PVR: variants seen among roughly 807,000 people sequenced by gnomAD.
The protein encoded by PVR is poliovirus receptor.
Under a neutral mutation model 43.3 loss-of-function variants are expected in PVR, and 39 were observed. That is an observed-to-expected ratio of 0.90 (90% CI 0.70 to 1.18). The LOEUF is 1.18. PVR is among the 50% of genes most tolerant of loss of function. The pLI is 0.00. For synonymous variants in PVR, 224 were observed against 233.2 expected (o/e 0.96, Z 0.36); for missense variants, 480 against 549.7 (o/e 0.87, Z 1.27).
At chr19:44,656,688 G>T (rs922174515) in intron 4 of PVR, among the ~76,000 whole-genome samples, 1 of 152,168 alleles carries the variant, frequency 6.6e-6, no homozygotes, top group Non-Finnish European at 1.5e-5. Flanking sequence ...AAGGGAATGG[G>T]ACTGGGCGCC....
chr19:44,658,891 T>C lies in PVR; in HGVS notation c.1141T>C (p.Cys381Arg). 3 of 1,614,034 alleles carry C rather than the reference T, an allele frequency of 1.9e-6. No individual in the cohort carries two copies. In the South Asian group the frequency reaches 3.3e-5, roughly 18 times the overall value. The change falls in exon 6 of 8, where the codon TGT becomes CGT. Residue 381 changes from cysteine to arginine, a missense_variant. Coordinates refer to ENST00000425690, the MANE Select transcript of PVR (RefSeq NM_006505.5). ...TGAGGTCCTTTGGCACTGTCATCTG[T>C]GTCCCTCGAGTGAGCATCACCAGAG... ...SREVLWHCHL[C>R]PSSTEHASAS...
In PVR at chr19:44,665,100, T is replaced by C. The variant is rs1973678133; in HGVS notation, c.*3289T>C. 2 of 152,106 alleles carry C rather than the reference T, an allele frequency of 1.3e-5. No homozygotes were observed. Among genetic ancestry groups the C allele is most frequent in the Non-Finnish European group, 2.9e-5 (2 of 68,024 alleles). 9.4% of individuals were successfully genotyped at this position (152,106 alleles called of 1,614,324 possible). On this transcript the variant is annotated 3_prime_UTR_variant, in exon 8 of 8. Transcript: ENST00000425690. ...GGGCCCAGAATTTTGGTATAGGTGT[T>C]GTATAAACTTATAGTAAGGTTAAGA...
In PVR at chr19:44,650,098, C is replaced by T. The variant is rs113996429; in HGVS notation, c.717C>T (p.Thr239=). ...CTCAGCTGCTGACTGTGAACCTCACCGTGTACTGTGAGTGTGCCCAAGTCA... is the reference window on the plus strand; with the variant it reads ...CTCAGCTGCTGACTGTGAACCTCACTGTGTACTGTGAGTGTGCCCAAGTCA... ...EKPQLLTVNL[T]VYYPPEVSIS... Residue 239 remains threonine, a synonymous_variant, in exon 3 of 8, where the codon ACC becomes ACT. Coordinates refer to ENST00000425690, the MANE Select transcript of PVR (RefSeq NM_006505.5). 528 of 1,527,518 alleles carry T rather than the reference C, an allele frequency of 3.5e-4. No homozygotes were observed. The African/African-American group carries it at 4.7e-3, about 14-fold the overall frequency. 94.6% of individuals were successfully genotyped at this position (1,527,518 alleles called of 1,614,324 possible). A position where few individuals can be genotyped will look rare whatever the true frequency, so the allele number is the denominator to read the frequency against.
At chr19:44,644,414 A>C (rs1973017349) in intron 1 of PVR, among the ~76,000 whole-genome samples, 2 of 152,136 alleles carry the variant, frequency 1.3e-5, no homozygotes. Flanking sequence ...TGGCAGCAAC[A>C]CGGGTCGGGC....
At chr19:44,647,842 G>A (rs575456896) in intron 2 of PVR, among the ~76,000 whole-genome samples, 1 of 151,904 alleles carries the variant, frequency 6.6e-6, no homozygotes, top group African/African-American at 2.4e-5. Context: ...AGGAGGAGGG[G>A]TATATTGGAA....
In PVR at chr19:44,645,178, AT is replaced by A. The variant is rs1228713907; in HGVS notation, c.79+1004del. On this transcript the variant is annotated intron_variant, in intron 1 of 7. Transcript: ENST00000425690. ...ATATAATATGTATATTATATATTAT[AT>A]ATATTATTATAATATATAATATGTA... Among the ~76,000 whole-genome samples, 187 of 92,980 alleles carry A rather than the reference AT, an allele frequency of 2.0e-3. 14 individuals carry two copies. Among genetic ancestry groups the A allele is most frequent in the African/African-American group, 7.8e-3 (170 of 21,754 alleles). 61.0% of individuals were successfully genotyped at this position (92,980 alleles called of 152,430 possible). A position where few individuals can be genotyped will look rare whatever the true frequency, so the allele number is the denominator to read the frequency against.
chr19:44,649,487 T>G (rs1973218859), intron 2 of PVR, among the ~76,000 whole-genome samples: 2 of 148,226 alleles, frequency 1.3e-5, no homozygotes, highest in Admixed American at 6.9e-5. Context: ...TGGAGAGCAG[T>G]GACACAATCT....
At chr19:44,661,032 A>G (rs1343493036) in intron 6 of PVR, among the ~76,000 whole-genome samples, 1 of 152,172 alleles carries the variant, frequency 6.6e-6, no homozygotes, top group African/African-American at 2.4e-5. Context: ...TGGAATTTGA[A>G]CCCATCCATC....
At chr19:44,648,579 T>C (rs1973193479) in intron 2 of PVR, among the ~76,000 whole-genome samples, 1 of 152,082 alleles carries the variant, frequency 6.6e-6, no homozygotes. Context: ...CTGGAACTCC[T>C]GGGCTCAAGG....
chr19:44,659,977 T>TC (rs1030097871), intron 6 of PVR, among the ~76,000 whole-genome samples: 2 of 152,168 alleles, frequency 1.3e-5, no homozygotes, highest in Non-Finnish European at 2.9e-5. Context: ...ACAAAGCTGC[T>TC]CCCTTACAAC....
In PVR at chr19:44,647,291, T is replaced by C. The variant is rs1221414191; in HGVS notation, c.148T>C (p.Tyr50His). Reference protein sequence around the residue: ...FLGDSVTLPCYLQVPNMEVTH... With the variant: ...FLGDSVTLPCHLQVPNMEVTH... The stretch of plus-strand genomic sequence containing the variant: ...GGGCGACTCCGTGACGCTGCCCTGC[T>C]ACCTACAGGTGCCCAACATGGAGGT... The change falls in exon 2 of 8, where the codon TAC becomes CAC. Residue 50 changes from tyrosine to histidine, a missense_variant. Tyr to His is a moderately conservative substitution (Grantham distance 83, BLOSUM62 2). Coordinates refer to ENST00000425690, the MANE Select transcript of PVR (RefSeq NM_006505.5). The C allele has an allele frequency of 1.3e-6, 2 of 1,590,592 alleles. No homozygotes were observed. The highest frequency in any genetic ancestry group is 1.8e-5 in the Admixed American group (1 of 56,058).
rs1223725654 is a variant in PVR, at chr19:44,657,927, G to C, written c.991+17G>C. 8.1e-6 allele frequency: 13 copies of C among 1,612,022 alleles called. No homozygotes were observed. The highest frequency in any genetic ancestry group is 1.0e-5 in the Non-Finnish European group (12 of 1,179,132). ...AGGTCAAAGGTGAGGAACTCCCTGG[G>C]TGGGAAGAACAGGGACCAAAGGAAG... On this transcript the variant is annotated intron_variant, in intron 5 of 7. Transcript: ENST00000425690.
At chr19:44,653,000 C>T (rs1416208334) in intron 3 of PVR, among the ~76,000 whole-genome samples, 1 of 152,062 alleles carries the variant, frequency 6.6e-6, no homozygotes, top group Non-Finnish European at 1.5e-5. Flanking sequence ...CACATGTGGC[C>T]AGTAGGTGCC....
chr19:44,645,247 A>G (rs1370948640), intron 1 of PVR, among the ~76,000 whole-genome samples: 1 of 91,220 alleles, frequency 1.1e-5, no homozygotes, highest in African/African-American at 5.2e-5. Context: ...AATATGTATT[A>G]TGTATTATAT....
At chr19:44,653,675 A>T in intron 3 of PVR, 1 of 494,510 alleles carries the variant, frequency 2.0e-6, no homozygotes, top group Non-Finnish European at 3.7e-6. Context: ...AAGCTAGTGG[A>T]GAAAAGCAGC....
intron 5 of PVR, 58 bp downstream of exon 5, chr19:44,657,968 T>C (rs1410408047): frequency 6.4e-6 from 10 of 1,563,884 alleles, no homozygotes; most frequent in Admixed American, 1.8e-5. Context: ...GAGGCAGGGT[T>C]CCCTGTCTAA....
At chr19:44,654,466 T>C (rs1254577358) in intron 4 of PVR, among the ~76,000 whole-genome samples, 1 of 152,240 alleles carries the variant, frequency 6.6e-6, no homozygotes, top group African/African-American at 2.4e-5. Context: ...GTTGAGGCGT[T>C]TAGCAGGTGG....
At chr19:44,647,683 A>G in intron 2 of PVR, 113 bp downstream of exon 2, 2 of 490,176 alleles carry the variant, frequency 4.1e-6, no homozygotes, top group Admixed American at 3.8e-5. Context: ...CCTCCACAGC[A>G]GATCCCCTGG....
chr19:44,647,688 C>T (rs991089876), intron 2 of PVR, 118 bp downstream of exon 2: 2 of 709,772 alleles, frequency 2.8e-6, no homozygotes, highest in Non-Finnish European at 2.2e-6. Context: ...ACAGCAGATC[C>T]CCTGGGGACA....
Sources: gnomAD v4.1 joint callset for allele counts (sites outside exome capture counted in the v4.1 genomes callset) on GRCh38, gnomAD v4.1.1 for gene constraint, MANE v1.5 for transcripts, NCBI Gene and HGNC (gene_info 2026-07-23, HGNC 2026-07-21) for gene names.